The following TRPC6 variants were observed in gnomAD, a reference collection of about 807,000 sequenced individuals.
TRPC6 encodes the protein transient receptor potential cation channel subfamily C member 6.
In TRPC6, 55 loss-of-function variants were observed where a neutral mutation model predicts 90.7. The ratio of observed to expected loss-of-function variants is 0.61; its 90% CI spans 0.49 to 0.76. The LOEUF is 0.76. Among genes scored for constraint, TRPC6 ranks in the 30% least tolerant of loss-of-function variants. TRPC6 has a pLI of 0.00. For synonymous variants in TRPC6, 393 were observed against 393.0 expected (o/e 1.00, Z 0.00); for missense variants, 989 against 1,122.7 (o/e 0.88, Z 1.70).
At chr11:101,475,943 CAGAG>C (rs1167970292) in intron 6 of TRPC6, among the ~76,000 whole-genome samples, 5 of 150,454 alleles carry the variant, frequency 3.3e-5, no homozygotes, top group East Asian at 2.0e-4. Context: ...TATATGTATA[CAGAG>C]AGAGAGATAC....
chr11:101,569,917 T>A (rs1184515508), intron 1 of TRPC6, among the ~76,000 whole-genome samples: 1 of 151,836 alleles, frequency 6.6e-6, no homozygotes, highest in Non-Finnish European at 1.5e-5. Flanking sequence ...AGAAAAAGCA[T>A]AAGAGATCTA....
chr11:101,491,833 A>ATTTTTTTTTTTTTTTTTTTTTTTTTTTT lies in TRPC6; in HGVS notation c.946-96_946-95insAAAAAAAAAAAAAAAAAAAAAAAAAAAA, dbSNP rs200869151. On this transcript the variant is annotated intron_variant, in intron 2 of 12. Transcript: ENST00000344327. ...AAGGATTTTATACTTTAAGAGAAAC[A>ATTTTTTTTTTTTTTTTTTTTTTTTTTTT]TTCTTTTTTTTTTTTTTTTTTTTTT... The ATTTTTTTTTTTTTTTTTTTTTTTTTTTT allele has an allele frequency of 1.2e-5, 9 of 764,504 alleles. 1 individual carries two copies. In the African/African-American group the frequency reaches 2.5e-4, roughly 21 times the overall value. The allele number at this position is 764,504 out of a possible 1,614,324, so 47.4% of individuals were successfully genotyped here.
Position 101,483,067 on chromosome 11 carries a change from T to C in TRPC6, c.1392A>G (p.Arg464=). ...TAGGAAGGAGTTTTGTGCCTTCAAATCTGTCAGCTGCATTCATGACTAGCA... is the reference window on the plus strand; with the variant it reads ...TAGGAAGGAGTTTTGTGCCTTCAAACCTGTCAGCTGCATTCATGACTAGCA... The part of the protein sequence containing the change: ...LGLLVMNAAD[R]FEGTKLLPNE... The change falls in exon 5 of 13, where the codon AGA becomes AGG. Residue 464 remains arginine (R), a synonymous_variant. Transcript: ENST00000344327. The C allele has an allele frequency of 1.2e-6, 2 of 1,614,116 alleles. No individual in the cohort carries two copies. Among genetic ancestry groups the C allele is most frequent in the Non-Finnish European group, 8.5e-7 (1 of 1,179,964 alleles).
intron 10 of TRPC6, among the ~76,000 whole-genome samples, chr11:101,456,402 A>G (rs1858883891): frequency 6.6e-6 from 1 of 152,220 alleles, no homozygotes; most frequent in African/African-American, 2.4e-5. Context: ...CTTTGAAACT[A>G]TGATTTATGC....
chr11:101,457,569 G>A (rs1003135233), intron 10 of TRPC6, among the ~76,000 whole-genome samples: 1 of 152,158 alleles, frequency 6.6e-6, no homozygotes, highest in Non-Finnish European at 1.5e-5. Context: ...AAAAGGTATG[G>A]ACAATATATT....
At chr11:101,485,487 T>C (rs1479089125) in intron 4 of TRPC6, among the ~76,000 whole-genome samples, 1 of 152,142 alleles carries the variant, frequency 6.6e-6, no homozygotes, top group Non-Finnish European at 1.5e-5. Context: ...GTTTTATGTA[T>C]GATTTATTTT....
chr11:101,452,819 A>G lies in TRPC6; in HGVS notation c.*136T>C. 1.0e-6 allele frequency: 1 copy of G among 988,020 alleles called. No individual in the cohort carries two copies. The highest frequency in any genetic ancestry group is 2.4e-5 in the East Asian group (1 of 41,072). The allele number at this position is 988,020 out of a possible 1,614,324, so 61.2% of individuals were successfully genotyped here. On this transcript the variant is annotated 3_prime_UTR_variant, in exon 13 of 13. Coordinates refer to ENST00000344327, the MANE Select transcript of TRPC6 (RefSeq NM_004621.6). ...CAAAAAAATTAGATACTAGGGCTCC[A>G]GATGATAGGATGGCCCAAGTTATTT...
intron 1 of TRPC6, among the ~76,000 whole-genome samples, chr11:101,577,933 G>T (rs7103450): frequency 0.1 from 15,141 of 152,162 alleles, 798 homozygotes; most frequent in African/African-American, 0.11. Context: ...TGGAATACAA[G>T]ATATAGGTAT....
At chr11:101,515,575 G>A (rs1056114126) in intron 1 of TRPC6, among the ~76,000 whole-genome samples, 61 of 150,110 alleles carry the variant, frequency 4.1e-4, no homozygotes, top group African/African-American at 1.4e-3. Context: ...AAAGAAAAAC[G>A]AATGGAGAGC....
chr11:101,524,798 G>A (rs1336370270), intron 1 of TRPC6, among the ~76,000 whole-genome samples: 2 of 152,170 alleles, frequency 1.3e-5, no homozygotes, highest in Admixed American at 1.3e-4. Context: ...GAAGGAATAA[G>A]TACAGGTGAT....
chr11:101,474,065 C>T (rs185030667), intron 6 of TRPC6, among the ~76,000 whole-genome samples: 1 of 152,306 alleles, frequency 6.6e-6, no homozygotes, highest in East Asian at 1.9e-4. Flanking sequence ...CGCACACACA[C>T]GTATAACAAA....
At chr11:101,528,769 T>C (rs1316247910) in intron 1 of TRPC6, among the ~76,000 whole-genome samples, 5 of 152,126 alleles carry the variant, frequency 3.3e-5, no homozygotes, top group African/African-American at 4.8e-5. Context: ...TAAAAATTCA[T>C]TGGGCCAAAT....
chr11:101,544,951 G>T (rs752030375), intron 1 of TRPC6, among the ~76,000 whole-genome samples: 2 of 152,100 alleles, frequency 1.3e-5, no homozygotes, highest in Non-Finnish European at 2.9e-5. Flanking sequence ...TGTACTTGGA[G>T]CACCAGTAGT....
intron 1 of TRPC6, among the ~76,000 whole-genome samples, chr11:101,553,051 G>A (rs1316087335): frequency 6.6e-6 from 1 of 152,126 alleles, no homozygotes; most frequent in African/African-American, 2.4e-5. Flanking sequence ...AATTCAGGAA[G>A]TAGAGTATTA....
At chr11:101,474,002 T>A (rs1859356283) in intron 6 of TRPC6, among the ~76,000 whole-genome samples, 1 of 152,190 alleles carries the variant, frequency 6.6e-6, no homozygotes, top group Non-Finnish European at 1.5e-5. Flanking sequence ...AGCATAATAG[T>A]TAAGAGTTCA....
intron 2 of TRPC6, among the ~76,000 whole-genome samples, chr11:101,497,523 C>T (rs1859978057): frequency 6.6e-6 from 1 of 152,148 alleles, no homozygotes; most frequent in Admixed American, 6.5e-5. Context: ...GGGAGTTTCT[C>T]TACCCTTCCT....
chr11:101,583,623 C>T lies in TRPC6; in HGVS notation c.-120G>A. ...CGAACTGGACCTGGGCAGACCGGTG[C>T]CCAGGGGACGACGGTGAAGCAGGGG... is the stretch of plus-strand genomic sequence containing the variant. On this transcript the variant is annotated 5_prime_UTR_variant, in exon 1 of 13. Transcript: ENST00000344327. 1 of 1,142,898 alleles carries T rather than the reference C, an allele frequency of 8.7e-7. No individual in the cohort carries two copies. The highest frequency in any genetic ancestry group is 3.1e-4 in the Middle Eastern group (1 of 3,264). The allele number at this position is 1,142,898 out of a possible 1,614,324, so 70.8% of individuals were successfully genotyped here.
At chr11:101,533,900 A>C (rs977657138) in intron 1 of TRPC6, among the ~76,000 whole-genome samples, 1 of 152,036 alleles carries the variant, frequency 6.6e-6, no homozygotes, top group African/African-American at 2.4e-5. Flanking sequence ...GGGCTCCATA[A>C]TGTATTGGCT....
At chr11:101,551,422 C>T (rs1366597293) in intron 1 of TRPC6, among the ~76,000 whole-genome samples, 1 of 151,906 alleles carries the variant, frequency 6.6e-6, no homozygotes, top group Non-Finnish European at 1.5e-5. Context: ...TCAGATTTGA[C>T]CACTTAAAGT....
Sources: allele counts gnomAD v4.1 joint callset (sites outside exome capture counted in the v4.1 genomes callset), GRCh38; gene constraint gnomAD v4.1.1; transcripts MANE v1.5; gene names NCBI Gene and HGNC (gene_info 2026-07-23, HGNC 2026-07-21).